The following SON variants were observed in gnomAD, a reference collection of about 807,000 sequenced individuals.
SON encodes protein SON.
A neutral mutation model predicts 173.3 loss-of-function variants in SON; 4 were observed. The ratio of observed to expected loss-of-function variants is 0.02; its 90% confidence interval spans 0.01 to 0.05. The LOEUF is 0.05. Among genes scored for constraint, SON ranks in the 10% least tolerant of loss-of-function variants. The pLI is 1.00. For missense variants in SON, 2,626 were observed against 3,055.3 expected, an observed-to-expected ratio of 0.86 and a Z score of 3.31; for synonymous variants, 1,190 against 1,105.9, an observed-to-expected ratio of 1.08 and a Z score of -1.51.
Position 33,553,258 on chromosome 21 carries a change from A to G in SON, c.4027A>G (p.Ile1343Val), listed in dbSNP as rs141121029. 5.6e-6 allele frequency: 9 copies of G among 1,614,162 alleles called. No homozygotes were observed. The South Asian group carries it at 8.8e-5, about 16-fold the overall frequency. Residue 1343 changes from isoleucine (I) to valine (V), a missense_variant, in exon 3 of 12, where the codon ATT becomes GTT. By Grantham distance (29) the Ile-to-Val change is conservative. Coordinates refer to ENST00000356577, the MANE Select transcript of SON (RefSeq NM_138927.4). The part of the protein sequence containing the change: ...AVTTPVLAES[I>V]LEPPAMAAPE... ...AACTACTCCAGTGCTGGCAGAGAGC[A>G]TTCTGGAGCCGCCAGCCATGGCTGC...
chr21:33,562,600 T>C (rs1601283142), intron 6 of SON, among the ~76,000 whole-genome samples: 2 of 152,306 alleles, frequency 1.3e-5, no homozygotes, highest in South Asian at 2.1e-4. Context: ...TCATTTCTTA[T>C]GGAAAAACAA....
chr21:33,551,312 C>A lies in SON; in HGVS notation c.2081C>A (p.Thr694Lys). Residue 694 changes from threonine (T) to lysine (K), a missense_variant, in exon 3 of 12, where the codon ACA becomes AAA. Thr to Lys is a moderately conservative substitution (Grantham distance 78, BLOSUM62 -1). This residue lies in a region of SON where 182 missense variants were observed against 193.6 expected (regional missense o/e 0.94). Transcript: ENST00000356577. Reference protein sequence around the residue: ...YNTVAQELPTTLVGETSVTVG... With the variant: ...YNTVAQELPTKLVGETSVTVG... Reference sequence around the variant, plus strand: ...ACGGTAGCACAGGAGCTGCCTACTACATTAGTGGGGGAGACTTCTGTAACA... The same window carrying A: ...ACGGTAGCACAGGAGCTGCCTACTAAATTAGTGGGGGAGACTTCTGTAACA... 6.2e-7 allele frequency: 1 copy of A among 1,614,124 alleles called. No homozygotes were observed. The highest frequency in any genetic ancestry group is 8.5e-7 in the Non-Finnish European group (1 of 1,179,992).
chr21:33,567,284 T>TA lies in SON; in HGVS notation c.6768+25dup, dbSNP rs570697265. The TA allele has an allele frequency of 1.8e-5, 25 of 1,387,996 alleles. No homozygotes were observed. Among genetic ancestry groups the TA allele is most frequent in the African/African-American group, 9.9e-5 (7 of 70,668 alleles). The allele number at this position is 1,387,996 out of a possible 1,614,324, so 86.0% of individuals were successfully genotyped here. A position where few individuals can be genotyped will look rare whatever the true frequency, so the allele number is the denominator to read the frequency against. On this transcript the variant is annotated intron_variant, in intron 7 of 11. Coordinates refer to ENST00000356577, the MANE Select transcript of SON (RefSeq NM_138927.4). The stretch of plus-strand genomic sequence containing the variant: ...CAGGAAAGGGTATGTAGCAGTTTTT[T>TA]AAAAAAAATTATTATTTACCATCAG...
chr21:33,569,541 A>C (rs951296634), intron 8 of SON: 2 of 399,706 alleles, frequency 5.0e-6, no homozygotes, highest in South Asian at 1.9e-5. Context: ...CCATTCCTCT[A>C]TTCCTTTGCC....
In SON at chr21:33,554,285, T is replaced by C. The variant is rs780986369; in HGVS notation, c.5054T>C (p.Val1685Ala). The C allele has an allele frequency of 1.9e-6, 3 of 1,613,902 alleles. No individual in the cohort carries two copies. The highest frequency in any genetic ancestry group is 1.7e-5 in the Admixed American group (1 of 59,992). The change falls in exon 3 of 12, where the codon GTA (valine) becomes GCA (alanine). Residue 1685 changes from valine to alanine, a missense_variant. Val to Ala is a moderately conservative substitution (Grantham distance 64, BLOSUM62 0). Coordinates refer to ENST00000356577, the MANE Select transcript of SON (RefSeq NM_138927.4). ...VSKDTEEPLP[V>A]KESDQTLAAL... ...AAGGATACAGAAGAACCATTACCTG[T>C]AAAAGAGAGTGACCAGACATTAGCA...
Position 33,553,411 on chromosome 21 carries a change from C to A in SON, c.4180C>A (p.Pro1394Thr), listed in dbSNP as rs1399385561. 6.2e-7 allele frequency: 1 copy of A among 1,613,708 alleles called. No homozygotes were observed. The highest frequency in any genetic ancestry group is 8.5e-7 in the Non-Finnish European group (1 of 1,179,796). The change falls in exon 3 of 12, where the codon CCT (proline) becomes ACT (threonine). Residue 1394 changes from proline (P) to threonine (T), a missense_variant. By Grantham distance (38) the Pro-to-Thr change is conservative (BLOSUM62 -1). Around this residue, in one of 13 missense-constraint regions of SON, gnomAD observed 1,006 missense variants for 895.6 expected, o/e 1.12. Coordinates refer to ENST00000356577, the MANE Select transcript of SON (RefSeq NM_138927.4). ...LEPSVVTVPE[P>T]PVVAEPDYVT... ...GCCTTCGGTTGTGACTGTCCCGGAGCCTCCTGTTGTGGCTGAGCCAGACTA... is the reference window on the plus strand; with the variant it reads ...GCCTTCGGTTGTGACTGTCCCGGAGACTCCTGTTGTGGCTGAGCCAGACTA...
Position 33,554,815 on chromosome 21 carries a change from C to A in SON, c.5584C>A (p.Arg1862Ser), listed in dbSNP as rs774121492. ...SKSKSHRSQT[R>S]SRSRSRRRRR... ...GTCCAAGTCTCATCGCTCTCAGACACGTTCACGGTCACGTTCAAGACGCAG... is the reference window on the plus strand; with the variant it reads ...GTCCAAGTCTCATCGCTCTCAGACAAGTTCACGGTCACGTTCAAGACGCAG... The change falls in exon 3 of 12, where the codon CGT becomes AGT. Residue 1862 changes from arginine (R) to serine (S), a missense_variant. Transcript: ENST00000356577. 6.2e-7 allele frequency: 1 copy of A among 1,613,802 alleles called. No individual in the cohort carries two copies. The highest frequency in any genetic ancestry group is 1.3e-5 in the African/African-American group (1 of 74,894).
chr21:33,544,092 G>GT (rs1276301722), intron 1 of SON, among the ~76,000 whole-genome samples: 2 of 152,210 alleles, frequency 1.3e-5, no homozygotes, highest in African/African-American at 2.4e-5. Flanking sequence ...ATCTTGAAAC[G>GT]TAAGTGTTCC....
Position 33,553,773 on chromosome 21 carries a change from T to C in SON, c.4542T>C (p.His1514=). ...EIALHSGEEP[H]AEEHLKGDFY... is the part of the protein sequence containing the mutation. ...CATTGCATTCAGGTGAAGAACCACA[T>C]GCTGAGGAACACCTGAAAGGTGACT... is the stretch of plus-strand genomic sequence containing the variant. The change falls in exon 3 of 12, where the codon CAT becomes CAC. Residue 1514 remains histidine, a synonymous_variant. Transcript: ENST00000356577. 2 of 1,614,100 alleles carry C rather than the reference T, an allele frequency of 1.2e-6. No individual in the cohort carries two copies. Among genetic ancestry groups the C allele is most frequent in the Non-Finnish European group, 1.7e-6 (2 of 1,180,000 alleles).
intron 3 of SON, among the ~76,000 whole-genome samples, chr21:33,556,929 T>C (rs1191650051): frequency 6.6e-6 from 1 of 151,762 alleles, no homozygotes; most frequent in Non-Finnish European, 1.5e-5. Context: ...ATTCCCTGAA[T>C]GAGGCCACTG....
At chr21:33,565,255 A>G (rs1464387227) in intron 6 of SON, among the ~76,000 whole-genome samples, 1 of 152,218 alleles carries the variant, frequency 6.6e-6, no homozygotes, top group African/African-American at 2.4e-5. Context: ...TTATAGTTGG[A>G]AATTAGGGAT....
In SON at chr21:33,572,558, T is replaced by A. The variant is rs374637710; in HGVS notation, c.6886-750T>A. 3.7e-5 allele frequency: 48 copies of A among 1,304,188 alleles called. No individual in the cohort carries two copies. In the East Asian group the frequency reaches 1.9e-3, roughly 53 times the overall value. The allele number at this position is 1,304,188 out of a possible 1,614,324, so 80.8% of individuals were successfully genotyped here. ...TATGGAAACTTGTTTCAGGGCCAAA[T>A]CCTTGTAGCTGTCTTCTTGCCCCGG... is the stretch of plus-strand genomic sequence containing the variant. On this transcript the variant is annotated intron_variant, in intron 8 of 11. Transcript: ENST00000356577.
At chr21:33,555,571 T>TA (rs2085950936) in intron 3 of SON, among the ~76,000 whole-genome samples, 180 bp downstream of exon 3, 1 of 152,252 alleles carries the variant, frequency 6.6e-6, no homozygotes, top group Admixed American at 6.5e-5. Flanking sequence ...GTATTATAAT[T>TA]AGAGTTAAAA....
chr21:33,554,117 A>G lies in SON; in HGVS notation c.4886A>G (p.Asp1629Gly). The G allele has an allele frequency of 2.5e-6, 4 of 1,613,716 alleles. No individual in the cohort carries two copies. The highest frequency in any genetic ancestry group is 3.4e-6 in the Non-Finnish European group (4 of 1,179,638). ...TLSLVNKYDVDLSLTTQDTEH... is the reference protein window; with the variant it reads ...TLSLVNKYDVGLSLTTQDTEH... ...AGTTTAGTTAATAAATATGATGTTG[A>G]TTTATCTTTAACTACTCAAGATACT... Residue 1629 changes from aspartate (D) to glycine (G), a missense_variant, in exon 3 of 12, where the codon GAT becomes GGT. Physicochemically the swap from Asp to Gly is moderately conservative, Grantham distance 94. This residue lies in a region of SON where 1,006 missense variants were observed against 895.6 expected (regional missense o/e 1.12). Transcript: ENST00000356577.
intron 3 of SON, 21 bp downstream of exon 3, chr21:33,555,412 A>G: frequency 6.7e-7 from 1 of 1,492,430 alleles, no homozygotes; most frequent in Non-Finnish European, 9.0e-7. Flanking sequence ...TTAAAGTTTA[A>G]TGGGATGGTA....
intron 2 of SON, among the ~76,000 whole-genome samples, chr21:33,547,914 G>A (rs953731715): frequency 5.3e-5 from 8 of 151,324 alleles, no homozygotes; most frequent in Non-Finnish European, 8.8e-5. Flanking sequence ...TAGTAGAGAC[G>A]GGGTTTTACC....
chr21:33,575,807 A>C lies in SON; in HGVS notation c.7135A>C (p.Ile2379Leu). 6.2e-7 allele frequency: 1 copy of C among 1,611,946 alleles called. No homozygotes were observed. The highest frequency in any genetic ancestry group is 1.3e-5 in the African/African-American group (1 of 74,956). Residue 2379 changes from isoleucine to leucine, a missense_variant, in exon 11 of 12, where the codon ATC (isoleucine) becomes CTC (leucine). Coordinates refer to ENST00000356577, the MANE Select transcript of SON (RefSeq NM_138927.4). ...ACATCCTGTGTCTGCTTTGATGGAG[A>C]TCTGTAATAAAAGAAGGTGGCAACC... ...GKHPVSALME[I>L]CNKRRWQPPE... is the part of the protein sequence containing the mutation.
intron 4 of SON, 136 bp downstream of exon 4, chr21:33,557,452 G>A: frequency 6.5e-7 from 1 of 1,542,964 alleles, no homozygotes; most frequent in Non-Finnish European, 8.8e-7. Context: ...AAATACAGAT[G>A]TGGCAGCGGC....
chr21:33,551,681 C>T lies in SON; in HGVS notation c.2450C>T (p.Ala817Val), dbSNP rs547333012. The T allele has an allele frequency of 6.2e-7, 1 of 1,612,476 alleles. No homozygotes were observed. The highest frequency in any genetic ancestry group is 1.1e-5 in the South Asian group (1 of 91,000). ...ATSSMDSQMLATSSMDSQMLA... is the reference protein window; with the variant it reads ...ATSSMDSQMLVTSSMDSQMLA... ...AGCTCCATGGACTCCCAGATGTTAG[C>T]AACCAGCTCCATGGACTCCCAGATG... The change falls in exon 3 of 12, where the codon GCA (alanine) becomes GTA (valine). Residue 817 changes from alanine to valine, a missense_variant. By Grantham distance (64) the Ala-to-Val change is moderately conservative. Coordinates refer to ENST00000356577, the MANE Select transcript of SON (RefSeq NM_138927.4).
Sources: allele counts gnomAD v4.1 joint callset (sites outside exome capture counted in the v4.1 genomes callset), GRCh38; gene constraint gnomAD v4.1.1; regional missense constraint gnomAD v4.1.1; transcripts MANE v1.5; gene names NCBI Gene and HGNC (gene_info 2026-07-23, HGNC 2026-07-21).